Variants in BOC observed in about 807,000 individuals in gnomAD.
The protein encoded by BOC is brother of CDO.
Under a neutral mutation model 112.0 loss-of-function variants are expected in BOC, and 76 were observed. That is an observed-to-expected ratio of 0.68 (90% CI 0.56 to 0.82). The LOEUF is 0.82. BOC is among the 40% of genes least tolerant of loss of function. BOC has a pLI of 0.00. For synonymous variants in BOC, 580 were observed against 599.8 expected (o/e 0.97, Z 0.48); for missense variants, 1,309 against 1,511.7 (o/e 0.87, Z 2.22).
At chr3:113,246,505 T>C (rs1471473062) in intron 2 of BOC, among the ~76,000 whole-genome samples, 1 of 152,200 alleles carries the variant, frequency 6.6e-6, no homozygotes, top group Non-Finnish European at 1.5e-5. Context: ...AATAAAGTTC[T>C]CAGGTAACTG....
chr3:113,249,189 T>C (rs1945307606), intron 2 of BOC, among the ~76,000 whole-genome samples: 1 of 152,202 alleles, frequency 6.6e-6, no homozygotes, highest in South Asian at 2.1e-4. Flanking sequence ...CATGAGTCAC[T>C]GAGATGCTAG....
chr3:113,232,236 G>A (rs1489976122), intron 2 of BOC, among the ~76,000 whole-genome samples: 2 of 152,176 alleles, frequency 1.3e-5, no homozygotes, highest in Non-Finnish European at 2.9e-5. Flanking sequence ...GCCTTGCACC[G>A]AGGCCACTGA....
At chr3:113,271,472 C>A in intron 6 of BOC, 1 of 313,502 alleles carries the variant, frequency 3.2e-6, no homozygotes, top group Non-Finnish European at 6.2e-6. Flanking sequence ...GTGCGCTTGC[C>A]TGGATCCCTG....
intron 16 of BOC, among the ~76,000 whole-genome samples, chr3:113,283,913 T>G (rs990281992): frequency 7.2e-5 from 11 of 151,906 alleles, no homozygotes; most frequent in Non-Finnish European, 1.2e-4. Flanking sequence ...TCCTCTGACC[T>G]CACATTCCTA....
chr3:113,272,379 C>A, intron 6 of BOC, 31 bp from the exon 7 acceptor site: 1 of 1,605,376 alleles, frequency 6.2e-7, no homozygotes, highest in Non-Finnish European at 8.5e-7. Flanking sequence ...GGTCCACACG[C>A]CTTCTGTCCT....
intron 9 of BOC, among the ~76,000 whole-genome samples, chr3:113,275,761 C>A (rs1180229688): frequency 6.6e-6 from 1 of 152,214 alleles, no homozygotes; most frequent in African/African-American, 2.4e-5. Context: ...CAGTGGAGAG[C>A]GCTAGCTGTG....
At chr3:113,250,927 C>A in intron 4 of BOC, 94 bp downstream of exon 4, 1 of 1,488,512 alleles carries the variant, frequency 6.7e-7, no homozygotes, top group Non-Finnish European at 9.1e-7. Flanking sequence ...TCTTGTTACT[C>A]TTAGCATAAA....
intron 2 of BOC, among the ~76,000 whole-genome samples, chr3:113,219,837 G>A (rs1351203297): frequency 6.6e-6 from 1 of 152,162 alleles, no homozygotes; most frequent in East Asian, 1.9e-4. Context: ...GTCAGACTTC[G>A]CAGCTAGTGG....
intron 19 of BOC, 54 bp from the exon 20 acceptor site, chr3:113,286,621 G>A (rs866742650): frequency 2.9e-5 from 42 of 1,424,256 alleles, no homozygotes; most frequent in Admixed American, 2.1e-4. Flanking sequence ...GTCACTGGGT[G>A]TTGGCTCCTC....
Position 113,287,161 on chromosome 3 carries a change from G to T in BOC, c.*299G>T. 2.3e-6 allele frequency: 1 copy of T among 429,184 alleles called. No homozygotes were observed. The highest frequency in any genetic ancestry group is 1.7e-5 in the South Asian group (1 of 57,800). 26.6% of individuals were successfully genotyped at this position (429,184 alleles called of 1,614,324 possible). A position where few individuals can be genotyped will look rare whatever the true frequency, so the allele number is the denominator to read the frequency against. Reference sequence around the variant, plus strand: ...TGGGGCCTCTGCAGTGGCAGGCGAGGCTGCAGGAGGCCCACAGATAAGCTG... The same window carrying T: ...TGGGGCCTCTGCAGTGGCAGGCGAGTCTGCAGGAGGCCCACAGATAAGCTG... On this transcript the variant is annotated 3_prime_UTR_variant, in exon 20 of 20. Transcript: ENST00000682979.
intron 2 of BOC, among the ~76,000 whole-genome samples, chr3:113,217,141 A>G (rs185894907): frequency 2.6e-5 from 4 of 152,294 alleles, no homozygotes; most frequent in Admixed American, 2.0e-4. Flanking sequence ...GCCATCCAGA[A>G]TCCTATTACT....
At chr3:113,222,712 C>G (rs565564453) in intron 2 of BOC, among the ~76,000 whole-genome samples, 1 of 152,172 alleles carries the variant, frequency 6.6e-6, no homozygotes, top group Non-Finnish European at 1.5e-5. Flanking sequence ...CAGGGGGGTG[C>G]CCAGCTCACA....
chr3:113,272,126 T>TA, intron 6 of BOC: 1 of 503,374 alleles, frequency 2.0e-6, no homozygotes, highest in Admixed American at 3.3e-5. Flanking sequence ...CTTTCTCTCT[T>TA]TGCCAGCACA....
In BOC at chr3:113,272,412, T is replaced by A; in HGVS notation, c.670T>A (p.Ser224Thr). 1.2e-6 allele frequency: 2 copies of A among 1,612,754 alleles called. No individual in the cohort carries two copies. The highest frequency in any genetic ancestry group is 1.7e-6 in the Non-Finnish European group (2 of 1,178,992). Residue 224 changes from serine (S) to threonine (T), a missense_variant and splice_region_variant, in exon 7 of 20, where the codon TCC becomes ACC. Physicochemically the swap from Ser to Thr is moderately conservative, Grantham distance 58. Coordinates refer to ENST00000682979, the MANE Select transcript of BOC (RefSeq NM_001378074.1). ...GSSDRLRVRR[S>T]TAEAARIIYP... is the part of the protein sequence containing the mutation. ...CCTTGCCCTCCTTGCCCCTCCAGGC[T>A]CCACCGCTGAGGCTGCCCGCATCAT...
intron 4 of BOC, among the ~76,000 whole-genome samples, chr3:113,254,018 G>A (rs1430018861): frequency 5.3e-5 from 8 of 152,196 alleles, no homozygotes; most frequent in Non-Finnish European, 4.4e-5. Context: ...TTATCTTGGA[G>A]CCTTCCTTCT....
intron 4 of BOC, among the ~76,000 whole-genome samples, chr3:113,252,765 C>T (rs574787425): frequency 6.6e-6 from 1 of 152,276 alleles, no homozygotes; most frequent in African/African-American, 2.4e-5. Flanking sequence ...CACAGTGGAG[C>T]CACTCCTCTT....
rs142060930 is a variant in BOC, at chr3:113,272,597, C to T, written c.855C>T (p.Leu285=). Reference sequence around the variant, plus strand: ...CGCGCTTCCTGCTGAGCAACCTCCTCATCGACACCACCAGCGAGGAGGACT... The same window carrying T: ...CGCGCTTCCTGCTGAGCAACCTCCTTATCGACACCACCAGCGAGGAGGACT... ...NKTRFLLSNL[L]IDTTSEEDSG... Residue 285 remains leucine (L), a synonymous_variant, in exon 7 of 20, where the codon CTC becomes CTT. Transcript: ENST00000682979. 155 of 1,613,938 alleles carry T rather than the reference C, an allele frequency of 9.6e-5. No homozygotes were observed. The highest frequency in any genetic ancestry group is 1.3e-4 in the Non-Finnish European group (151 of 1,180,004).
At position 113,268,382 on chromosome 3, in the gene BOC, G is replaced by A; in HGVS notation, c.460G>A (p.Glu154Lys). The A allele has an allele frequency of 6.2e-7, 1 of 1,614,134 alleles. No individual in the cohort carries two copies. The highest frequency in any genetic ancestry group is 8.5e-7 in the Non-Finnish European group (1 of 1,180,012). ...AGCAGTCATTGCCTGCCACCTGCCT[G>A]AGAGCCACCCCAAAGCCCAGGTCCG... The part of the protein sequence containing the change: ...NTAVIACHLP[E>K]SHPKAQVRYS... Residue 154 changes from glutamate (E) to lysine (K), a missense_variant, in exon 5 of 20, where the codon GAG becomes AAG. Physicochemically the swap from Glu to Lys is moderately conservative, Grantham distance 56 (BLOSUM62 1). Transcript: ENST00000682979.
chr3:113,237,713 G>C (rs867923690), intron 2 of BOC, among the ~76,000 whole-genome samples: 18 of 152,258 alleles, frequency 1.2e-4, no homozygotes, highest in Middle Eastern at 6.8e-3. Flanking sequence ...TTTTGGTTTT[G>C]AAAAATACAG....
Sources: gnomAD v4.1 joint callset for allele counts (sites outside exome capture counted in the v4.1 genomes callset) on GRCh38, gnomAD v4.1.1 for gene constraint, MANE v1.5 for transcripts, NCBI Gene and HGNC (gene_info 2026-07-23, HGNC 2026-07-21) for gene names.